The following SLC36A4 variants were observed in gnomAD, a reference collection of about 807,000 sequenced individuals.
SLC36A4 encodes the protein solute carrier family 36 member 4, also known as neutral amino acid uniporter 4.
SLC36A4 carries 49 observed loss-of-function variants against 50.5 expected under a neutral mutation model. That is an observed-to-expected ratio of 0.97 (90% CI 0.77 to 1.23). SLC36A4 has a LOEUF of 1.23. Ranked by LOEUF, SLC36A4 falls within the 50% of genes most tolerant of loss-of-function variation. The probability of loss-of-function intolerance (pLI) is 0.00; values close to 1 mark genes in which losing one functional copy is unlikely to be tolerated. For synonymous variants in SLC36A4, 207 were observed against 206.5 expected (o/e 1.00, Z -0.02); for missense variants, 611 against 608.4 (o/e 1.00, Z -0.05).
chr11:93,170,578 A>C (rs984543872), intron 6 of SLC36A4, among the ~76,000 whole-genome samples: 1 of 152,030 alleles, frequency 6.6e-6, no homozygotes, highest in Non-Finnish European at 1.5e-5. Flanking sequence ...AAAACTGAGA[A>C]AGCAGAGATT....
chr11:93,154,017 A>G, intron 10 of SLC36A4, 91 bp downstream of exon 10: 1 of 608,594 alleles, frequency 1.6e-6, no homozygotes, highest in South Asian at 4.9e-5. Context: ...CATCTTATGT[A>G]GCTTTCATTT....
In SLC36A4 at chr11:93,177,572, C is replaced by T. The variant is rs1009726282; in HGVS notation, c.540+3225G>A. On this transcript the variant is annotated intron_variant, in intron 6 of 10. Coordinates refer to ENST00000326402, the MANE Select transcript of SLC36A4 (RefSeq NM_152313.4). ...TTTTGGTGTGGATGTCCTTTCTGTT[C>T]GTTAGTTTTTCTTCTGACAGTCAGG... 3.9e-5 allele frequency among the ~76,000 whole-genome samples: 6 copies of T among 152,194 alleles called. No homozygotes were observed. The South Asian group carries it at 8.3e-4, about 21-fold the overall frequency.
chr11:93,162,636 G>A (rs1860676217), intron 9 of SLC36A4, 70 bp downstream of exon 9: 5 of 1,267,422 alleles, frequency 3.9e-6, no homozygotes, highest in African/African-American at 3.1e-5. Flanking sequence ...CCAAGAACAC[G>A]ACTTTATCAT....
rs553441313 is a variant in SLC36A4, at chr11:93,170,950, A to C, written c.541-2779T>G. Among the ~76,000 whole-genome samples the C allele has an allele frequency of 2.0e-5, 3 of 152,162 alleles. No homozygotes were observed. In the South Asian group the frequency reaches 6.2e-4, roughly 32 times the overall value. ...CATGTAGACTAAGGGGAGGGTAACAATCCTATGGTTTTTAACTATAACAGT... is the reference window on the plus strand; with the variant it reads ...CATGTAGACTAAGGGGAGGGTAACACTCCTATGGTTTTTAACTATAACAGT... On this transcript the variant is annotated intron_variant, in intron 6 of 10. Transcript: ENST00000326402.
At chr11:93,183,279 T>C (rs1210369095) in intron 3 of SLC36A4, among the ~76,000 whole-genome samples, 2 of 152,192 alleles carry the variant, frequency 1.3e-5, no homozygotes, top group Non-Finnish European at 2.9e-5. Context: ...ACGGAGACTG[T>C]GAGCAATTTA....
chr11:93,197,612 G>A (rs1017566033), intron 1 of SLC36A4, among the ~76,000 whole-genome samples, 166 bp downstream of exon 1: 1 of 152,058 alleles, frequency 6.6e-6, no homozygotes, highest in Non-Finnish European at 1.5e-5. Flanking sequence ...CCAAGTTCTC[G>A]GGGTCAGATA....
chr11:93,173,487 T>C (rs1228359575), intron 6 of SLC36A4, among the ~76,000 whole-genome samples: 1 of 149,786 alleles, frequency 6.7e-6, no homozygotes, highest in Non-Finnish European at 1.5e-5. Flanking sequence ...TTTGTTGCCA[T>C]TGCTTTTGGT....
rs1205377968 is a variant in SLC36A4, at chr11:93,148,128, G to A, written c.*409C>T. 1 of 157,694 alleles carries A rather than the reference G, an allele frequency of 6.3e-6. No individual in the cohort carries two copies. Among genetic ancestry groups the A allele is most frequent in the Non-Finnish European group, 1.4e-5 (1 of 72,476 alleles). The allele number at this position is 157,694 out of a possible 1,614,324, so 9.8% of individuals were successfully genotyped here. ...GGCATTCACAGGGATGATCTGGAGA[G>A]AGCTTTTTGTTATACATGTTCTTAT... On this transcript the variant is annotated 3_prime_UTR_variant, in exon 11 of 11. Transcript: ENST00000326402.
At chr11:93,177,268 G>A (rs1861521808) in intron 6 of SLC36A4, among the ~76,000 whole-genome samples, 1 of 152,026 alleles carries the variant, frequency 6.6e-6, no homozygotes, top group Non-Finnish European at 1.5e-5. Flanking sequence ...AATGTGTCAC[G>A]TAGTTCCCAT....
intron 1 of SLC36A4, among the ~76,000 whole-genome samples, chr11:93,188,649 G>T (rs1284096343): frequency 6.6e-6 from 1 of 152,052 alleles, no homozygotes; most frequent in Non-Finnish European, 1.5e-5. Flanking sequence ...CCCAGTATTA[G>T]GTCTACTGGG....
intron 5 of SLC36A4, 83 bp from the exon 6 acceptor site, chr11:93,180,964 A>G (rs1861706986): frequency 6.0e-6 from 6 of 995,674 alleles, no homozygotes; most frequent in Non-Finnish European, 9.3e-6. Flanking sequence ...AAGAGTTTTA[A>G]AACATTTTAT....
chr11:93,185,601 T>TAATGTAATAGAATGTCTTGC, intron 2 of SLC36A4, 90 bp downstream of exon 2: 1 of 1,210,982 alleles, frequency 8.3e-7, no homozygotes, highest in South Asian at 1.7e-5. Flanking sequence ...TTGTGTCTTG[T>TAATGTAATAGAATGTCTTGC]AATGTAATAG....
At chr11:93,170,633 G>C (rs955858259) in intron 6 of SLC36A4, among the ~76,000 whole-genome samples, 3 of 152,004 alleles carry the variant, frequency 2.0e-5, no homozygotes, top group Non-Finnish European at 2.9e-5. Flanking sequence ...CTTTGATATT[G>C]CTACATTTTT....
At chr11:93,158,232 T>C (rs780255695) in intron 9 of SLC36A4, among the ~76,000 whole-genome samples, 2 of 152,196 alleles carry the variant, frequency 1.3e-5, no homozygotes, top group Non-Finnish European at 2.9e-5. Context: ...TATACTCTGA[T>C]ATGTAACTGT....
chr11:93,169,444 T>A (rs1483884871), intron 6 of SLC36A4, among the ~76,000 whole-genome samples: 1 of 152,092 alleles, frequency 6.6e-6, no homozygotes, highest in East Asian at 1.9e-4. Flanking sequence ...CTTTTACATA[T>A]CTCTCTCTAA....
At chr11:93,183,143 A>G (rs1226012942) in intron 3 of SLC36A4, among the ~76,000 whole-genome samples, 1 of 152,214 alleles carries the variant, frequency 6.6e-6, no homozygotes, top group Non-Finnish European at 1.5e-5. Context: ...TATAGACAAC[A>G]AAGTAGGATA....
At chr11:93,191,581 A>G (rs1016641176) in intron 1 of SLC36A4, among the ~76,000 whole-genome samples, 2 of 152,146 alleles carry the variant, frequency 1.3e-5, no homozygotes, top group African/African-American at 4.8e-5. Flanking sequence ...AAAAGCAGTG[A>G]GGTATGAGGT....
chr11:93,195,991 C>T (rs1031610279), intron 1 of SLC36A4, among the ~76,000 whole-genome samples: 7 of 152,172 alleles, frequency 4.6e-5, no homozygotes, highest in Non-Finnish European at 1.0e-4. Flanking sequence ...ACTGCTTACT[C>T]TCTGCTTCCC....
At chr11:93,152,880 A>G (rs1311599972) in intron 10 of SLC36A4, 3 of 152,140 alleles carry the variant, frequency 2.0e-5, no homozygotes. Context: ...TCAATAAAAT[A>G]AATGTATAAA....
Sources: gnomAD v4.1 joint callset for allele counts (sites outside exome capture counted in the v4.1 genomes callset) on GRCh38, gnomAD v4.1.1 for gene constraint, MANE v1.5 for transcripts, NCBI Gene and HGNC (gene_info 2026-07-23, HGNC 2026-07-21) for gene names.